The following ERCC5 variants were observed in gnomAD, a reference collection of about 807,000 sequenced individuals.
ERCC5 encodes the protein ERCC excision repair 5, endonuclease.
ERCC5 carries 68 observed loss-of-function variants against 105.6 expected under a neutral mutation model. The ratio of observed to expected loss-of-function variants is 0.64; its 90% confidence interval spans 0.53 to 0.79. The LOEUF (loss-of-function observed/expected upper bound fraction) is 0.79. Ranked by LOEUF, ERCC5 falls within the 30% of genes least tolerant of loss-of-function variation. The pLI, the probability that ERCC5 is intolerant of heterozygous loss-of-function variation, is 0.00. For missense variants in ERCC5, 1,373 were observed against 1,426.7 expected, an observed-to-expected ratio of 0.96 and a Z score of 0.61; for synonymous variants, 546 against 526.2, an observed-to-expected ratio of 1.04 and a Z score of -0.51.
intron 14 of ERCC5, among the ~76,000 whole-genome samples, chr13:102,874,271 G>T (rs1437186461): frequency 6.6e-6 from 1 of 152,060 alleles, no homozygotes; most frequent in Admixed American, 6.6e-5. Flanking sequence ...TAATACAGTT[G>T]TTAACATTTA....
Position 102,875,357 on chromosome 13 carries a change from AG to A in ERCC5, c.3016del (p.Asp1006MetfsTer10), listed in dbSNP as rs1323484940. The A allele has an allele frequency of 6.2e-7, 1 of 1,614,042 alleles. No individual in the cohort carries two copies. Among genetic ancestry groups the A allele is most frequent in the Admixed American group, 1.7e-5 (1 of 60,002 alleles). ...FFRLAQQEKE[D>X]AKRIKSQRLN... is the part of the protein sequence containing the mutation. The stretch of plus-strand genomic sequence containing the variant: ...TTAGATTAGCACAACAGGAGAAAGA[AG>A]ATGCTAAACGTATTAAGAGCCAGAG... On this transcript the variant is annotated frameshift_variant, in exon 15 of 15. Coordinates refer to ENST00000652225, the MANE Select transcript of ERCC5 (RefSeq NM_000123.4). LOFTEE classifies it low-confidence loss of function (END_TRUNC).
At chr13:102,849,747 C>G (rs1337343218) in intron 1 of ERCC5, among the ~76,000 whole-genome samples, 1 of 152,132 alleles carries the variant, frequency 6.6e-6, no homozygotes, top group Non-Finnish European at 1.5e-5. Flanking sequence ...GGTTTTTTCC[C>G]TGCTAGATTA....
intron 1 of ERCC5, chr13:102,849,167 C>G (rs534558246): frequency 1.9e-6 from 1 of 519,026 alleles, no homozygotes; most frequent in East Asian, 5.4e-5. Flanking sequence ...GACAGATGCA[C>G]ATCAACACCA....
At chr13:102,860,282 G>T (rs535424906) in intron 6 of ERCC5, among the ~76,000 whole-genome samples, 1 of 152,320 alleles carries the variant, frequency 6.6e-6, no homozygotes, top group Non-Finnish European at 1.5e-5. Context: ...GGCTGAGGTT[G>T]CTTAGATCTG....
chr13:102,853,652 A>T, intron 2 of ERCC5, 105 bp from the exon 3 acceptor site: 1 of 1,103,220 alleles, frequency 9.1e-7, no homozygotes, highest in Non-Finnish European at 1.3e-6. Flanking sequence ...AAGCAGCCAT[A>T]GTCTGAAAAC....
intron 12 of ERCC5, among the ~76,000 whole-genome samples, chr13:102,871,692 T>C (rs1319744184): frequency 6.6e-6 from 1 of 152,164 alleles, no homozygotes; most frequent in East Asian, 1.9e-4. Flanking sequence ...TAAACAAATT[T>C]AACATTTTCT....
intron 9 of ERCC5, 113 bp from the exon 10 acceptor site, chr13:102,866,148 TC>T (rs1354234188): frequency 9.1e-6 from 14 of 1,530,766 alleles, no homozygotes; most frequent in Non-Finnish European, 1.3e-5. Context: ...GTGGAGTACT[TC>T]CTAAGGAGAA....
chr13:102,858,748 C>T (rs2140523645), intron 6 of ERCC5, among the ~76,000 whole-genome samples: 1 of 152,254 alleles, frequency 6.6e-6, no homozygotes, highest in African/African-American at 2.4e-5. Flanking sequence ...GTGTCTAGCT[C>T]AGTATTTTTC....
intron 2 of ERCC5, among the ~76,000 whole-genome samples, chr13:102,853,190 C>T (rs933069571): frequency 2.6e-5 from 4 of 152,238 alleles, no homozygotes; most frequent in South Asian, 2.1e-4. Flanking sequence ...AAATCAGGTA[C>T]TTTGTGGAAG....
At chr13:102,858,554 A>G (rs1274043917) in intron 6 of ERCC5, 136 bp downstream of exon 6, 2 of 1,270,150 alleles carry the variant, frequency 1.6e-6, no homozygotes, top group African/African-American at 3.0e-5. Flanking sequence ...TACATCTCAG[A>G]TTCTAAGAAG....
At chr13:102,854,242 T>TG (rs775846154) in intron 3 of ERCC5, 46 bp from the exon 4 acceptor site, 1 of 1,603,318 alleles carries the variant, frequency 6.2e-7, no homozygotes, top group Non-Finnish European at 8.5e-7. Flanking sequence ...TTCACCATCC[T>TG]GAGCAGGGTC....
chr13:102,868,706 C>T (rs150964392), intron 12 of ERCC5, among the ~76,000 whole-genome samples: 3 of 152,342 alleles, frequency 2.0e-5, no homozygotes, highest in African/African-American at 7.2e-5. Flanking sequence ...AGCCAGGAAG[C>T]GACTTGGAAA....
intron 1 of ERCC5, chr13:102,849,036 C>T: frequency 2.3e-6 from 1 of 430,078 alleles, no homozygotes; most frequent in Non-Finnish European, 4.7e-6. Flanking sequence ...TAGATTTCCT[C>T]ACTGAAGTTA....
intron 14 of ERCC5, chr13:102,874,721 CA>C (rs1883146382): frequency 6.6e-6 from 1 of 152,586 alleles, no homozygotes; most frequent in South Asian, 2.1e-4. Context: ...GACGGGGTTT[CA>C]CCGTGTAAGC....
chr13:102,870,030 T>A (rs1467153860), intron 12 of ERCC5, among the ~76,000 whole-genome samples: 1 of 152,188 alleles, frequency 6.6e-6, no homozygotes, highest in Non-Finnish European at 1.5e-5. Flanking sequence ...ACATTTAGGA[T>A]GAATACAGAG....
chr13:102,868,470 A>G (rs1566471671), intron 12 of ERCC5, among the ~76,000 whole-genome samples: 2 of 152,232 alleles, frequency 1.3e-5, no homozygotes, highest in East Asian at 3.8e-4. Flanking sequence ...GTTCAAGGGT[A>G]CAAAGCCAGT....
chr13:102,875,223 A>G (rs1461156169), intron 14 of ERCC5, 84 bp from the exon 15 acceptor site: 2 of 1,453,630 alleles, frequency 1.4e-6, no homozygotes, highest in Non-Finnish European at 1.9e-6. Context: ...AATGTGAGTG[A>G]TCAAGGTTGA....
At position 102,865,257 on chromosome 13, in the gene ERCC5, C is replaced by CCG; in HGVS notation, c.1955-410_1955-409insCG. On this transcript the variant is annotated intron_variant, in intron 8 of 14. Transcript: ENST00000652225. This position sits in a 1 kb window ranked among gnomAD's most constrained non-coding sequence, Gnocchi z 4.0. ...GAGAAGGGAAGTGGAAGAGGAAGAACTATTTCTTAGTCACAGCTTTATTCT... is the reference window on the plus strand; with the variant it reads ...GAGAAGGGAAGTGGAAGAGGAAGAACCGTATTTCTTAGTCACAGCTTTATTCT... 1 of 238,940 alleles carries CCG rather than the reference C, an allele frequency of 4.2e-6. No individual in the cohort carries two copies. 14.8% of individuals were successfully genotyped at this position (238,940 alleles called of 1,614,324 possible). A position where few individuals can be genotyped will look rare whatever the true frequency, so the allele number is the denominator to read the frequency against.
chr13:102,875,360 T>G lies in ERCC5; in HGVS notation c.3018T>G (p.Asp1006Glu). ...FFRLAQQEKE[D>E]AKRIKSQRLN... ...GATTAGCACAACAGGAGAAAGAAGATGCTAAACGTATTAAGAGCCAGAGAC... is the reference window on the plus strand; with the variant it reads ...GATTAGCACAACAGGAGAAAGAAGAGGCTAAACGTATTAAGAGCCAGAGAC... Residue 1006 changes from aspartate (D) to glutamate (E), a missense_variant, in exon 15 of 15, where the codon GAT (aspartate) becomes GAG (glutamate). Coordinates refer to ENST00000652225, the MANE Select transcript of ERCC5 (RefSeq NM_000123.4). 6.2e-7 allele frequency: 1 copy of G among 1,613,964 alleles called. No homozygotes were observed. Among genetic ancestry groups the G allele is most frequent in the South Asian group, 1.1e-5 (1 of 91,004 alleles).
Sources: gnomAD v4.1 joint callset for allele counts (sites outside exome capture counted in the v4.1 genomes callset) on GRCh38, gnomAD v4.1.1 for gene constraint, Gnocchi (gnomAD v3.1) non-coding constraint, MANE v1.5 for transcripts, NCBI Gene and HGNC (gene_info 2026-07-23, HGNC 2026-07-21) for gene names.